The following POC5 variants were observed in gnomAD, a reference collection of about 807,000 sequenced individuals.
The protein encoded by POC5 is centrosomal protein POC5.
POC5 carries 48 observed loss-of-function variants against 62.9 expected under a neutral mutation model. That is an observed-to-expected ratio of 0.76 (90% CI 0.61 to 0.97). POC5 has a LOEUF of 0.97. POC5 is among the 50% of genes least tolerant of loss of function. POC5 has a pLI of 0.00. For missense variants in POC5, 696 were observed against 679.5 expected, an observed-to-expected ratio of 1.02 and a Z score of -0.27; for synonymous variants, 236 against 228.2, an observed-to-expected ratio of 1.03 and a Z score of -0.31.
Position 75,674,479 on chromosome 5 carries a change from T to C in POC5, c.1684A>G (p.Thr562Ala). ...GAATGAACACTTGTGAGAGACTGGG[T>C]GTGAGCTGATCTGGTTCCAAGTGAT... ...SRSLGTRSAH[T>A]QSLTSVHSIK... The change falls in exon 12 of 12, where the codon ACC becomes GCC. Residue 562 changes from threonine (T) to alanine (A), a missense_variant. By Grantham distance (58) the Thr-to-Ala change is moderately conservative. Transcript: ENST00000428202. The C allele has an allele frequency of 1.2e-6, 2 of 1,613,988 alleles. No individual in the cohort carries two copies. The highest frequency in any genetic ancestry group is 2.2e-5 in the East Asian group (1 of 44,884).
At chr5:75,701,061 C>G (rs1420661587) in intron 5 of POC5, among the ~76,000 whole-genome samples, 3 of 116,968 alleles carry the variant, frequency 2.6e-5, no homozygotes, top group Non-Finnish European at 1.9e-5. Flanking sequence ...ATTAAAAAGT[C>G]AGGAAACAAC....
chr5:75,692,582 G>T, intron 6 of POC5, 82 bp from the exon 7 acceptor site: 2 of 946,730 alleles, frequency 2.1e-6, no homozygotes, highest in Non-Finnish European at 3.1e-6. Flanking sequence ...ATCAAAAAAT[G>T]CTAGAGAGGA....
intron 2 of POC5, among the ~76,000 whole-genome samples, chr5:75,710,538 T>C (rs1777300549): frequency 6.6e-6 from 1 of 152,148 alleles, no homozygotes; most frequent in South Asian, 2.1e-4. Context: ...CTGCACATAC[T>C]GTACTGAGGA....
intron 2 of POC5, chr5:75,712,392 G>C (rs1386809961): frequency 1.2e-6 from 2 of 1,610,678 alleles, no homozygotes; most frequent in South Asian, 1.1e-5. Context: ...CATTTTATCT[G>C]TCAATGTCCA....
intron 5 of POC5, among the ~76,000 whole-genome samples, chr5:75,701,646 A>G (rs1428479631): frequency 6.6e-6 from 1 of 150,610 alleles, no homozygotes; most frequent in Admixed American, 6.6e-5. Context: ...GGTGCAGCGC[A>G]CCAGCATGGC....
In POC5 at chr5:75,692,459, T is replaced by A. The variant is rs1561469301; in HGVS notation, c.732A>T (p.Glu244Asp). 10 of 1,603,706 alleles carry A rather than the reference T, an allele frequency of 6.2e-6. No homozygotes were observed. The highest frequency in any genetic ancestry group is 7.7e-6 in the Non-Finnish European group (9 of 1,174,840). Residue 244 changes from glutamate (E) to aspartate (D), a missense_variant, in exon 7 of 12, where the codon GAA becomes GAT. Transcript: ENST00000428202. ...SLSHAIGKQK[E>D]KIELMRTFFH... Reference sequence around the variant, plus strand: ...AGAATGTTCTCATCAACTCTATCTTTTCCTTTTGCTTGCCTATGGCATGAG... The same window carrying A: ...AGAATGTTCTCATCAACTCTATCTTATCCTTTTGCTTGCCTATGGCATGAG...
At chr5:75,690,126 G>A (rs1017906968) in intron 8 of POC5, among the ~76,000 whole-genome samples, 1 of 152,050 alleles carries the variant, frequency 6.6e-6, no homozygotes, top group Non-Finnish European at 1.5e-5. Flanking sequence ...TGATCTGCCC[G>A]CCTCGGCCTC....
chr5:75,704,187 G>C (rs544909410), intron 4 of POC5, among the ~76,000 whole-genome samples: 1 of 148,240 alleles, frequency 6.7e-6, no homozygotes, highest in South Asian at 2.1e-4. Flanking sequence ...AGAAAGAAAA[G>C]TTAATATTTT....
intron 1 of POC5, among the ~76,000 whole-genome samples, chr5:75,715,989 G>A (rs76796709): frequency 0.016 from 2,497 of 152,244 alleles, 82 homozygotes; most frequent in African/African-American, 0.058. Context: ...TTGCTGAGAC[G>A]TTTGCTTGAA....
At chr5:75,696,930 C>T (rs375327944) in intron 5 of POC5, among the ~76,000 whole-genome samples, 21 of 151,548 alleles carry the variant, frequency 1.4e-4, no homozygotes, top group African/African-American at 1.5e-4. Context: ...GGAGCTGATG[C>T]GATCAACTGG....
rs1307643669 is a variant in POC5 at position 75,689,111 on chromosome 5, T to C, written c.1030A>G (p.Lys344Glu). Residue 344 changes from lysine to glutamate, a missense_variant, in exon 9 of 12, where the codon AAA becomes GAA. Coordinates refer to ENST00000428202, the MANE Select transcript of POC5 (RefSeq NM_001099271.2). Reference sequence around the variant, plus strand: ...TTCATGGAATCTTCAAAGTGCTCTTTTTCATGTTGCATTCTTTGAATCTCA... The same window carrying C: ...TTCATGGAATCTTCAAAGTGCTCTTCTTCATGTTGCATTCTTTGAATCTCA... ...KAEIQRMQHE[K>E]EHFEDSMKKA... 2 of 1,590,996 alleles carry C rather than the reference T, an allele frequency of 1.3e-6. No homozygotes were observed. The highest frequency in any genetic ancestry group is 1.2e-5 in the South Asian group (1 of 86,846).
rs778544431 is a variant in POC5, at chr5:75,682,677, G to A, written c.1407+2530C>T. On this transcript the variant is annotated intron_variant, in intron 10 of 11. Transcript: ENST00000428202. Reference sequence around the variant, plus strand: ...ATTACAGGCGCATGCCACCACGCCCGGCTAATTTTTTTGTATTTTTGTAGA... The same window carrying A: ...ATTACAGGCGCATGCCACCACGCCCAGCTAATTTTTTTGTATTTTTGTAGA... 4.0e-5 allele frequency among the ~76,000 whole-genome samples: 6 copies of A among 151,858 alleles called. 1 individual carries two copies. Among genetic ancestry groups the A allele is most frequent in the African/African-American group, 7.3e-5 (3 of 41,346 alleles).
At chr5:75,692,557 G>T in intron 6 of POC5, 57 bp from the exon 7 acceptor site, 1 of 1,262,416 alleles carries the variant, frequency 7.9e-7, no homozygotes, top group Non-Finnish European at 1.1e-6. Context: ...AATTGGTAAA[G>T]TGATTTTCTC....
chr5:75,677,593 C>T, intron 11 of POC5, 181 bp downstream of exon 11: 1 of 362,794 alleles, frequency 2.8e-6, no homozygotes. Flanking sequence ...AGATTTATAG[C>T]AGGTTTGAGA....
intron 2 of POC5, among the ~76,000 whole-genome samples, chr5:75,710,835 T>G (rs910148984): frequency 6.6e-6 from 1 of 152,070 alleles, no homozygotes; most frequent in African/African-American, 2.4e-5. Context: ...CTACTCAGAG[T>G]TAGCCTATCA....
intron 10 of POC5, among the ~76,000 whole-genome samples, chr5:75,681,599 T>A (rs902707525): frequency 8.7e-5 from 13 of 150,074 alleles, no homozygotes; most frequent in African/African-American, 2.2e-4. Context: ...TATTATTTTT[T>A]AAATAATTTT....
At chr5:75,700,200 C>G (rs1201084152) in intron 5 of POC5, among the ~76,000 whole-genome samples, 2 of 151,584 alleles carry the variant, frequency 1.3e-5, no homozygotes, top group Non-Finnish European at 3.0e-5. Context: ...ACTTTCTTCA[C>G]AGAATTGGAA....
At chr5:75,677,656 G>C in intron 11 of POC5, 118 bp downstream of exon 11, 1 of 690,210 alleles carries the variant, frequency 1.4e-6, no homozygotes, top group Non-Finnish European at 2.0e-6. Flanking sequence ...GGAAAAGGCA[G>C]AACAAGTACC....
chr5:75,710,066 G>C (rs1306591675), intron 2 of POC5, among the ~76,000 whole-genome samples: 2 of 152,200 alleles, frequency 1.3e-5, no homozygotes, highest in Admixed American at 1.3e-4. Flanking sequence ...CCATGGGCTA[G>C]TGGTAGTACA....
Sources: gnomAD v4.1 joint callset for allele counts (sites outside exome capture counted in the v4.1 genomes callset) on GRCh38, gnomAD v4.1.1 for gene constraint, MANE v1.5 for transcripts, NCBI Gene and HGNC (gene_info 2026-07-23, HGNC 2026-07-21) for gene names.